The following GRIA1 variants were observed in gnomAD, a reference collection of about 807,000 sequenced individuals.
GRIA1 encodes glutamate receptor 1.
GRIA1 carries 31 observed loss-of-function variants against 99.2 expected under a neutral mutation model. The ratio of observed to expected loss-of-function variants is 0.31; its 90% CI spans 0.23 to 0.42. The LOEUF is 0.42. Among genes scored for constraint, GRIA1 ranks in the 10% least tolerant of loss-of-function variants. The probability of loss-of-function intolerance (pLI) is 1.00; values close to 1 mark genes in which losing one functional copy is unlikely to be tolerated. For missense variants in GRIA1, 782 were observed against 1,157.5 expected (o/e 0.68, Z 4.71); for synonymous variants, 438 against 432.4 (o/e 1.01, Z -0.16).
intron 11 of GRIA1, among the ~76,000 whole-genome samples, chr5:153,732,706 T>C (rs1761125282): frequency 6.6e-6 from 1 of 152,080 alleles, no homozygotes; most frequent in Non-Finnish European, 1.5e-5. Flanking sequence ...TCCTTTGATG[T>C]ATGGAAACTT....
At chr5:153,556,413 C>A (rs1311429453) in intron 2 of GRIA1, among the ~76,000 whole-genome samples, 2 of 152,172 alleles carry the variant, frequency 1.3e-5, no homozygotes, top group Non-Finnish European at 2.9e-5. Context: ...GCTAAATATT[C>A]CCTGAAGCCT....
intron 15 of GRIA1, among the ~76,000 whole-genome samples, chr5:153,809,301 C>T (rs916506964): frequency 6.6e-6 from 1 of 152,122 alleles, no homozygotes; most frequent in South Asian, 2.1e-4. Context: ...TAGAAGAATG[C>T]AATCCAGGTC....
intron 11 of GRIA1, among the ~76,000 whole-genome samples, chr5:153,761,741 C>T (rs142918469): frequency 6.6e-6 from 1 of 152,280 alleles, no homozygotes; most frequent in African/African-American, 2.4e-5. Flanking sequence ...GCACTATTCA[C>T]AGTAACCAAA....
intron 11 of GRIA1, among the ~76,000 whole-genome samples, chr5:153,733,432 A>G (rs1218855813): frequency 2.0e-5 from 3 of 152,132 alleles, no homozygotes; most frequent in African/African-American, 7.2e-5. Context: ...TCATCAAATC[A>G]CAAAGAGAAG....
chr5:153,511,756 C>T (rs906890445), intron 2 of GRIA1, among the ~76,000 whole-genome samples: 1 of 152,196 alleles, frequency 6.6e-6, no homozygotes, highest in African/African-American at 2.4e-5. Flanking sequence ...TCCTACTCTT[C>T]CAGGCTCCCT....
chr5:153,530,446 G>C (rs893775743), intron 2 of GRIA1, among the ~76,000 whole-genome samples: 5 of 152,172 alleles, frequency 3.3e-5, no homozygotes, highest in African/African-American at 1.2e-4. Context: ...TTGGTTTCTT[G>C]CCCTGCATGG....
At chr5:153,625,728 A>G (rs1253469039) in intron 2 of GRIA1, among the ~76,000 whole-genome samples, 1 of 152,252 alleles carries the variant, frequency 6.6e-6, no homozygotes, top group Admixed American at 6.5e-5. Flanking sequence ...AGAAAATTCA[A>G]ACAGGATCCA....
chr5:153,572,862 G>C (rs149855970), intron 2 of GRIA1, among the ~76,000 whole-genome samples: 1 of 152,304 alleles, frequency 6.6e-6, no homozygotes, highest in African/African-American at 2.4e-5. Flanking sequence ...TAGGCTGAGC[G>C]CATTCTATTG....
intron 7 of GRIA1, among the ~76,000 whole-genome samples, chr5:153,685,765 A>G (rs1757296379): frequency 6.6e-6 from 1 of 152,224 alleles, no homozygotes; most frequent in African/African-American, 2.4e-5. Context: ...ATCTCCAAGC[A>G]TAGCTTAAGG....
At chr5:153,507,674 T>A (rs1755669528) in intron 2 of GRIA1, among the ~76,000 whole-genome samples, 1 of 152,234 alleles carries the variant, frequency 6.6e-6, no homozygotes, top group Non-Finnish European at 1.5e-5. Context: ...ACTGTCATCT[T>A]CATGATATAA....
intron 2 of GRIA1, among the ~76,000 whole-genome samples, chr5:153,517,633 T>TG (rs1303101847): frequency 1.3e-5 from 2 of 152,236 alleles, no homozygotes; most frequent in African/African-American, 4.8e-5. Context: ...TTCTCTTTCC[T>TG]GAACCCCCAC....
intron 2 of GRIA1, among the ~76,000 whole-genome samples, chr5:153,534,322 G>T (rs1423049835): frequency 6.6e-6 from 1 of 152,136 alleles, no homozygotes; most frequent in Non-Finnish European, 1.5e-5. Context: ...TGAAAGGCTG[G>T]CTGATAAATG....
At chr5:153,700,567 A>G (rs1291404832) in intron 10 of GRIA1, among the ~76,000 whole-genome samples, 1 of 152,136 alleles carries the variant, frequency 6.6e-6, no homozygotes, top group Non-Finnish European at 1.5e-5. Context: ...AGCAAGAGGA[A>G]GAGTGTGGAT....
At chr5:153,675,465 T>C (rs930104522) in intron 6 of GRIA1, among the ~76,000 whole-genome samples, 1 of 152,226 alleles carries the variant, frequency 6.6e-6, no homozygotes, top group Non-Finnish European at 1.5e-5. Context: ...TTGAGAATGC[T>C]TGGGAATAAG....
intron 2 of GRIA1, among the ~76,000 whole-genome samples, chr5:153,583,166 C>G (rs375539527): frequency 0.1 from 15,141 of 152,150 alleles, 885 homozygotes; most frequent in South Asian, 0.25. Context: ...CTCCTGGGCT[C>G]AAGTGATCCG....
chr5:153,735,223 C>T (rs182981660), intron 11 of GRIA1, among the ~76,000 whole-genome samples: 11 of 152,132 alleles, frequency 7.2e-5, no homozygotes, highest in South Asian at 4.2e-4. Context: ...CAGGAAGAGC[C>T]GCAGACAAAA....
At chr5:153,709,264 T>G (rs1364681573) in intron 11 of GRIA1, among the ~76,000 whole-genome samples, 1 of 152,208 alleles carries the variant, frequency 6.6e-6, no homozygotes, top group East Asian at 1.9e-4. Context: ...AAAGCTGACA[T>G]TCATCAAACA....
At chr5:153,685,987 T>C (rs766501767) in intron 7 of GRIA1, among the ~76,000 whole-genome samples, 2 of 152,300 alleles carry the variant, frequency 1.3e-5, no homozygotes, top group Non-Finnish European at 2.9e-5. Flanking sequence ...CCATTGTTAG[T>C]ATTTGCCTAA....
chr5:153,551,118 T>C (rs1760097391), intron 2 of GRIA1, among the ~76,000 whole-genome samples: 1 of 152,150 alleles, frequency 6.6e-6, no homozygotes, highest in Non-Finnish European at 1.5e-5. Context: ...TTATGTTTTA[T>C]TATGTGTCTA....
Sources: gnomAD v4.1 joint callset for allele counts (sites outside exome capture counted in the v4.1 genomes callset) on GRCh38, gnomAD v4.1.1 for gene constraint, MANE v1.5 for transcripts, NCBI Gene and HGNC (gene_info 2026-07-23, HGNC 2026-07-21) for gene names.